ZNF678: variants seen among roughly 807,000 people sequenced by gnomAD.
ZNF678 encodes zinc finger protein 678.
Under a neutral mutation model 3.0 loss-of-function variants are expected in ZNF678, and 5 were observed. The ratio of observed to expected loss-of-function variants is 1.69; its 90% CI spans 0.88 to 3.56. The LOEUF (loss-of-function observed/expected upper bound fraction) is 3.56. Among genes scored for constraint, ZNF678 ranks in the 30% most tolerant of loss-of-function variants. The pLI, the probability that ZNF678 is intolerant of heterozygous loss-of-function variation, is 0.00. For missense variants in ZNF678, 593 were observed against 605.0 expected (o/e 0.98, Z 0.21); for synonymous variants, 218 against 199.6 (o/e 1.09, Z -0.78).
At chr1:227,626,132 G>T (rs939151458) in intron 1 of ZNF678, among the ~76,000 whole-genome samples, 4 of 152,138 alleles carry the variant, frequency 2.6e-5, no homozygotes, top group Non-Finnish European at 4.4e-5. Flanking sequence ...AGAGTGAAAG[G>T]GGGTAAGAGA....
intron 1 of ZNF678, among the ~76,000 whole-genome samples, chr1:227,594,123 T>C (rs192744025): frequency 1.3e-5 from 2 of 152,316 alleles, no homozygotes; most frequent in East Asian, 3.9e-4. Flanking sequence ...TGTGGGGACC[T>C]TGGCAGTGGA....
chr1:227,587,253 T>G (rs563183192), intron 1 of ZNF678, among the ~76,000 whole-genome samples: 1 of 17,764 alleles, frequency 5.6e-5, no homozygotes, highest in Admixed American at 6.8e-4. Context: ...CATGTTAGAT[T>G]TTTTTTTTTT....
chr1:227,624,414 T>C (rs1395027194), intron 1 of ZNF678, among the ~76,000 whole-genome samples: 1 of 152,198 alleles, frequency 6.6e-6, no homozygotes, highest in Admixed American at 6.5e-5. Flanking sequence ...TTCATATCGC[T>C]GAAAGAGATA....
chr1:227,676,157 A>G (rs116402928), intron 5 of ZNF678, among the ~76,000 whole-genome samples: 2,616 of 152,272 alleles, frequency 0.017, 77 homozygotes, highest in African/African-American at 0.06. Context: ...TTCTTCCCTC[A>G]AGTTTGAAGT....
At chr1:227,592,899 C>G (rs1041330074) in intron 1 of ZNF678, among the ~76,000 whole-genome samples, 6 of 152,254 alleles carry the variant, frequency 3.9e-5, no homozygotes, top group African/African-American at 1.4e-4. Flanking sequence ...AGTACCACCA[C>G]ACATCCACTC....
At chr1:227,570,992 T>G (rs138625920) in intron 1 of ZNF678, among the ~76,000 whole-genome samples, 2 of 152,254 alleles carry the variant, frequency 1.3e-5, no homozygotes, top group African/African-American at 4.8e-5. Flanking sequence ...ATGCCCAAAT[T>G]TTTATTTTAT....
chr1:227,569,308 T>G (rs541113374), intron 1 of ZNF678, among the ~76,000 whole-genome samples: 11 of 152,316 alleles, frequency 7.2e-5, no homozygotes, highest in African/African-American at 2.4e-4. Context: ...TTAATATGTA[T>G]TTTTTCTTCT....
rs555454627 is a variant in ZNF678 at position 227,614,434 on chromosome 1, G to T, written c.-163-32110G>T. On this transcript the variant is annotated intron_variant, in intron 1 of 3. Transcript: ENST00000343776. ...CCTATCCTGCTGGCTCTGCCATCTT[G>T]CATGTGACAAGGCTATTAGCTAATA... Among the ~76,000 whole-genome samples the T allele has an allele frequency of 6.6e-5, 10 of 152,244 alleles. No individual in the cohort carries two copies. The South Asian group carries it at 2.1e-3, about 32-fold the overall frequency.
chr1:227,595,916 A>T (rs1657573945), intron 1 of ZNF678, among the ~76,000 whole-genome samples: 1 of 152,092 alleles, frequency 6.6e-6, no homozygotes, highest in South Asian at 2.1e-4. Context: ...CCAAAACCAA[A>T]ACCAAAGTGC....
chr1:227,635,563 G>GTA (rs1491120390), intron 1 of ZNF678, among the ~76,000 whole-genome samples: 2 of 148,740 alleles, frequency 1.3e-5, no homozygotes, highest in Non-Finnish European at 3.0e-5. Context: ...GTGTGTGTGT[G>GTA]TAGCAACATG....
chr1:227,678,896 GGCATGGTA>G (rs1328025482), downstream of ZNF678, among the ~76,000 whole-genome samples: 2 of 152,170 alleles, frequency 1.3e-5, no homozygotes, highest in Non-Finnish European at 2.9e-5. Flanking sequence ...AAAATGGAAA[GGCATGGTA>G]GCTTTAATCC....
chr1:227,635,163 A>G (rs1247823894), intron 1 of ZNF678, among the ~76,000 whole-genome samples: 1 of 151,972 alleles, frequency 6.6e-6, no homozygotes, highest in African/African-American at 2.4e-5. Flanking sequence ...TTTATAAACC[A>G]CTTAATTTAG....
At chr1:227,639,519 G>C (rs1182321568) in intron 1 of ZNF678, among the ~76,000 whole-genome samples, 1 of 152,192 alleles carries the variant, frequency 6.6e-6, no homozygotes, top group Non-Finnish European at 1.5e-5. Flanking sequence ...GCCTGATTGG[G>C]TCTAGGTTGG....
intron 1 of ZNF678, among the ~76,000 whole-genome samples, chr1:227,604,605 T>A (rs1484279138): frequency 6.6e-6 from 1 of 152,122 alleles, no homozygotes; most frequent in Non-Finnish European, 1.5e-5. Context: ...GCACAGCTGA[T>A]CTCAAACTCC....
intron 1 of ZNF678, among the ~76,000 whole-genome samples, chr1:227,573,012 C>G (rs1289817313): frequency 6.6e-6 from 1 of 152,214 alleles, no homozygotes; most frequent in East Asian, 1.9e-4. Flanking sequence ...ACAGCTAGCG[C>G]TGGATGGAGA....
chr1:227,630,901 T>G (rs1051572595), intron 1 of ZNF678, among the ~76,000 whole-genome samples: 1 of 152,060 alleles, frequency 6.6e-6, no homozygotes, highest in Non-Finnish European at 1.5e-5. Context: ...GAAAAGAAAG[T>G]TTGAACATAT....
intron 1 of ZNF678, among the ~76,000 whole-genome samples, chr1:227,606,684 C>T (rs1360813949): frequency 6.6e-6 from 1 of 152,140 alleles, no homozygotes; most frequent in African/African-American, 2.4e-5. Flanking sequence ...GCGGGGAAAC[C>T]TTGGACAATA....
intron 2 of ZNF678, among the ~76,000 whole-genome samples, chr1:227,649,650 G>A (rs1196612692): frequency 2.0e-5 from 3 of 152,082 alleles, no homozygotes; most frequent in South Asian, 2.1e-4. Context: ...GCGCTTAGCC[G>A]GTTTCTTCAC....
intron 1 of ZNF678, among the ~76,000 whole-genome samples, chr1:227,597,735 TTTAC>T (rs1657630813): frequency 6.6e-6 from 1 of 152,164 alleles, no homozygotes; most frequent in Non-Finnish European, 1.5e-5. Flanking sequence ...AAATAGCTAT[TTTAC>T]TTAATAAAAA....
Sources: gnomAD v4.1 joint callset for allele counts (sites outside exome capture counted in the v4.1 genomes callset) on GRCh38, gnomAD v4.1.1 for gene constraint, MANE v1.5 for transcripts, NCBI Gene and HGNC (gene_info 2026-07-23, HGNC 2026-07-21) for gene names.